Variants in SLC10A6 observed in about 807,000 individuals in gnomAD.
SLC10A6 encodes the protein solute carrier family 10 member 6, also known as sodium-dependent organic anion transporter.
SLC10A6 carries 27 observed loss-of-function variants against 30.0 expected under a neutral mutation model. That is an observed-to-expected ratio of 0.90 (90% CI 0.66 to 1.24). The LOEUF is 1.24. Among genes scored for constraint, SLC10A6 ranks in the 50% most tolerant of loss-of-function variants. The pLI, the probability that SLC10A6 is intolerant of heterozygous loss-of-function variation, is 0.00. For missense variants in SLC10A6, 439 were observed against 457.0 expected, an observed-to-expected ratio of 0.96 and a Z score of 0.36; for synonymous variants, 166 against 173.8, an observed-to-expected ratio of 0.95 and a Z score of 0.36.
At chr4:86,828,776 G>A (rs1329419806) in intron 3 of SLC10A6, among the ~76,000 whole-genome samples, 4 of 152,076 alleles carry the variant, frequency 2.6e-5, no homozygotes, top group Non-Finnish European at 4.4e-5. Context: ...TACTTTTGTT[G>A]TTTAACAAGA....
intron 1 of SLC10A6, among the ~76,000 whole-genome samples, chr4:86,838,661 G>A (rs1257300687): frequency 6.6e-6 from 1 of 152,134 alleles, no homozygotes; most frequent in Admixed American, 6.5e-5. Context: ...GGTGGCTCAT[G>A]CCTGTAATCC....
At chr4:86,837,359 CT>C (rs1746220434) in intron 1 of SLC10A6, among the ~76,000 whole-genome samples, 1 of 145,908 alleles carries the variant, frequency 6.9e-6, no homozygotes, top group African/African-American at 2.6e-5. Flanking sequence ...GGCAGGCAGG[CT>C]GGGATTTGAG....
intron 1 of SLC10A6, among the ~76,000 whole-genome samples, chr4:86,846,968 T>C (rs1746404253): frequency 6.6e-6 from 1 of 152,198 alleles, no homozygotes; most frequent in African/African-American, 2.4e-5. Flanking sequence ...TATGACAACA[T>C]TGACTAATAA....
At chr4:86,836,456 T>A (rs1485650602) in intron 1 of SLC10A6, among the ~76,000 whole-genome samples, 1 of 152,154 alleles carries the variant, frequency 6.6e-6, no homozygotes. Flanking sequence ...CCTTCATGAA[T>A]GAATTAATGC....
intron 3 of SLC10A6, among the ~76,000 whole-genome samples, chr4:86,829,160 C>T (rs1746041318): frequency 6.6e-6 from 1 of 152,114 alleles, no homozygotes. Context: ...TCTGTAATCC[C>T]AGAACTTTGG....
chr4:86,829,409 T>TA (rs966141217), intron 3 of SLC10A6, among the ~76,000 whole-genome samples: 39 of 150,158 alleles, frequency 2.6e-4, no homozygotes, highest in Non-Finnish European at 3.9e-4. Flanking sequence ...AGACTCCGTT[T>TA]AAAAAAAAAA....
intron 1 of SLC10A6, among the ~76,000 whole-genome samples, chr4:86,842,874 C>CTTTCTTTCTTTCTT (rs1560461934): frequency 4.7e-5 from 2 of 42,786 alleles, no homozygotes; most frequent in Admixed American, 2.1e-4. Flanking sequence ...TTCTTTCTTT[C>CTTTCTTTCTTTCTT]TTTTTTTTTT....
At chr4:86,824,581 T>A (rs1578752875) in intron 5 of SLC10A6, among the ~76,000 whole-genome samples, 1 of 152,140 alleles carries the variant, frequency 6.6e-6, no homozygotes, top group Non-Finnish European at 1.5e-5. Flanking sequence ...TATATATTTT[T>A]TTTTTTCTTT....
At chr4:86,823,933 T>G (rs769995437) in intron 5 of SLC10A6, 31 bp from the exon 6 acceptor site, 5 of 1,552,924 alleles carry the variant, frequency 3.2e-6, no homozygotes, top group Non-Finnish European at 2.6e-6. Context: ...GTATTAACAA[T>G]CACTTTAACA....
In SLC10A6 at chr4:86,849,319, CAT is replaced by C. The variant is rs1381407315; in HGVS notation, c.-206_-205del. On this transcript the variant is annotated 5_prime_UTR_variant, in exon 1 of 6. The change creates a new upstream start codon in the 5' untranslated region. Coordinates refer to ENST00000273905, the MANE Select transcript of SLC10A6 (RefSeq NM_197965.3). ...AAAAGTAATTATCACAGGCATGAAA[CAT>C]ATAATAAACTGTGGTAAGTAAGGCT... 5 of 597,820 alleles carry C rather than the reference CAT, an allele frequency of 8.4e-6. No homozygotes were observed. The East Asian group carries it at 1.1e-4, about 14-fold the overall frequency. 37.0% of individuals were successfully genotyped at this position (597,820 alleles called of 1,614,324 possible).
chr4:86,837,043 C>A (rs1746197699), intron 1 of SLC10A6, among the ~76,000 whole-genome samples: 1 of 151,790 alleles, frequency 6.6e-6, no homozygotes, highest in Admixed American at 6.6e-5. Context: ...CACGCCCGGC[C>A]ATAATATACT....
intron 1 of SLC10A6, among the ~76,000 whole-genome samples, chr4:86,848,360 C>T (rs1471639643): frequency 2.6e-5 from 4 of 152,264 alleles, no homozygotes; most frequent in African/African-American, 4.8e-5. Context: ...ACAACCACGA[C>T]GGCTGCTACC....
intron 1 of SLC10A6, among the ~76,000 whole-genome samples, chr4:86,844,091 T>C (rs1746353431): frequency 6.6e-6 from 1 of 152,044 alleles, no homozygotes; most frequent in South Asian, 2.1e-4. Flanking sequence ...GGCAGGAGAA[T>C]GGTGTGAACC....
At position 86,848,952 on chromosome 4, in the gene SLC10A6, ATCTCCACGGAACAT is replaced by A. The variant is rs1413710829; in HGVS notation, c.150_163del (p.Cys51ProfsTer34). The A allele has an allele frequency of 6.2e-7, 1 of 1,614,122 alleles. No homozygotes were observed. Among genetic ancestry groups the A allele is most frequent in the East Asian group, 2.2e-5 (1 of 44,872 alleles). Reference sequence around the variant, plus strand: ...CCTGATGTGCGACCACAGCTTCCGGATCTCCACGGAACATCCCAAAGAGAACATGAGCAGCCCCA... The same window carrying A: ...CCTGATGTGCGACCACAGCTTCCGGACCCAAAGAGAACATGAGCAGCCCCA... On this transcript the variant is annotated frameshift_variant, in exon 1 of 6. Transcript: ENST00000273905. LOFTEE classifies it high-confidence loss of function.
intron 1 of SLC10A6, among the ~76,000 whole-genome samples, chr4:86,843,535 C>T (rs1466906625): frequency 6.6e-6 from 1 of 152,106 alleles, no homozygotes; most frequent in Non-Finnish European, 1.5e-5. Flanking sequence ...AACCTCAGAT[C>T]CACTCCTAAG....
At chr4:86,835,492 C>A (rs748949239) in intron 1 of SLC10A6, among the ~76,000 whole-genome samples, 19 of 152,070 alleles carry the variant, frequency 1.2e-4, no homozygotes, top group Non-Finnish European at 2.5e-4. Flanking sequence ...CATGGTGAAA[C>A]CCTGTCTCTA....
intron 1 of SLC10A6, among the ~76,000 whole-genome samples, chr4:86,838,838 G>T (rs569655553): frequency 6.9e-4 from 103 of 148,426 alleles, no homozygotes; most frequent in Non-Finnish European, 1.3e-3. Context: ...CAGGAGAATT[G>T]CTTGAGCCTG....
In SLC10A6 at chr4:86,828,016, A is replaced by C; in HGVS notation, c.738T>G (p.Leu246=). The C allele has an allele frequency of 6.2e-7, 1 of 1,613,856 alleles. No homozygotes were observed. Among genetic ancestry groups the C allele is most frequent in the Non-Finnish European group, 8.5e-7 (1 of 1,179,932 alleles). Residue 246 remains leucine, a synonymous_variant, in exon 4 of 6, where the codon CTT becomes CTG. Coordinates refer to ENST00000273905, the MANE Select transcript of SLC10A6 (RefSeq NM_197965.3). ...IGHVTGFLLA[L]FTHQSWQRCR... is the part of the protein sequence containing the mutation. ...ACCTTTGCCAAGACTGGTGGGTAAAAAGTGCCAGCAGAAAACCCGTGACAT... is the reference window on the plus strand; with the variant it reads ...ACCTTTGCCAAGACTGGTGGGTAAACAGTGCCAGCAGAAAACCCGTGACAT...
intron 1 of SLC10A6, among the ~76,000 whole-genome samples, chr4:86,842,343 T>C (rs181069068): frequency 6.6e-6 from 1 of 152,288 alleles, no homozygotes; most frequent in Admixed American, 6.5e-5. Flanking sequence ...AGGACATAAA[T>C]ACATCCTTAC....
Sources: gnomAD v4.1 joint callset for allele counts (sites outside exome capture counted in the v4.1 genomes callset) on GRCh38, gnomAD v4.1.1 for gene constraint, MANE v1.5 for transcripts, NCBI Gene and HGNC (gene_info 2026-07-23, HGNC 2026-07-21) for gene names.